The following KRABD5 variants were observed in gnomAD, a reference collection of about 807,000 sequenced individuals.
KRABD5 encodes the protein KRAB domain containing 5, also known as KRAB domain-containing protein 5.
the KRABD5 span, chr16:31,755,101 T>G: frequency 4.1e-6 from 2 of 489,834 alleles, no homozygotes; most frequent in East Asian, 6.3e-5. Context: ...TTACTCAGCA[T>G]GAGAGAATTC....
the KRABD5 span, among the ~76,000 whole-genome samples, chr16:31,742,109 CTATTTA>C: frequency 6.6e-6 from 1 of 151,104 alleles, no homozygotes; most frequent in South Asian, 2.1e-4. Flanking sequence ...GTGTGTGCCT[CTATTTA>C]TTTCTGGGTG....
At chr16:31,713,294 C>T in the KRABD5 span, 1 of 1,233,040 alleles carries the variant, frequency 8.1e-7, no homozygotes, top group African/African-American at 1.5e-5. Context: ...AGTCTCTTCA[C>T]CAGGGGCTCC....
At chr16:31,736,936 T>C in the KRABD5 span, among the ~76,000 whole-genome samples, 36 of 152,366 alleles carry the variant, frequency 2.4e-4, no homozygotes, top group Non-Finnish European at 4.8e-4. Flanking sequence ...CACTTTTTTA[T>C]TTAAGTTTAT....
the KRABD5 span, among the ~76,000 whole-genome samples, chr16:31,715,458 C>T: frequency 6.6e-6 from 1 of 152,164 alleles, no homozygotes. Context: ...TTTCCCCACT[C>T]CTTTCTCTTG....
At chr16:31,719,836 T>C in the KRABD5 span, among the ~76,000 whole-genome samples, 1 of 152,208 alleles carries the variant, frequency 6.6e-6, no homozygotes, top group African/African-American at 2.4e-5. Flanking sequence ...GCAACCTTTT[T>C]CCATTCCTGC....
At chr16:31,724,908 T>G in the KRABD5 span, among the ~76,000 whole-genome samples, 980 of 152,244 alleles carry the variant, frequency 6.4e-3, 8 homozygotes, top group African/African-American at 0.023. Context: ...CACCTTTTTT[T>G]AGATTCCACA....
the KRABD5 span, among the ~76,000 whole-genome samples, chr16:31,743,041 A>G: frequency 4.6e-5 from 7 of 152,066 alleles, no homozygotes; most frequent in Non-Finnish European, 1.0e-4. Context: ...TAAGTTTCTT[A>G]TAAATTCTGG....
the KRABD5 span, chr16:31,753,945 T>C: frequency 1.3e-6 from 2 of 1,550,408 alleles, no homozygotes; most frequent in East Asian, 4.9e-5. Flanking sequence ...ACATACAAAA[T>C]GTAAGACAAC....
the KRABD5 span, among the ~76,000 whole-genome samples, chr16:31,726,191 A>G: frequency 6.6e-6 from 1 of 152,182 alleles, no homozygotes; most frequent in African/African-American, 2.4e-5. Context: ...CCTTTTGCTC[A>G]TAAATATCCA....
chr16:31,722,665 C>G, the KRABD5 span: 4 of 1,613,158 alleles, frequency 2.5e-6, no homozygotes, highest in East Asian at 6.7e-5. Context: ...AGAATTCTCT[C>G]GGGAGGAGTG....
At chr16:31,754,369 G>A in the KRABD5 span, 1 of 611,228 alleles carries the variant, frequency 1.6e-6, no homozygotes, top group South Asian at 2.0e-5. Flanking sequence ...TAGATAATTT[G>A]GGAAAATATC....
chr16:31,749,119 C>G, the KRABD5 span, among the ~76,000 whole-genome samples: 1 of 152,190 alleles, frequency 6.6e-6, no homozygotes, highest in Non-Finnish European at 1.5e-5. Flanking sequence ...GGGGCTCAGG[C>G]CCAGTGAGAT....
chr16:31,716,759 G>C, the KRABD5 span, among the ~76,000 whole-genome samples: 1 of 152,192 alleles, frequency 6.6e-6, no homozygotes, highest in African/African-American at 2.4e-5. Context: ...CTGGAATTCA[G>C]ATGTCCATTA....
chr16:31,753,980 TACAGGAG>T, the KRABD5 span: 1 of 1,508,462 alleles, frequency 6.6e-7, no homozygotes, highest in Non-Finnish European at 9.0e-7. Context: ...ACCTCACTGT[TACAGGAG>T]GTCAAAAACA....
the KRABD5 span, among the ~76,000 whole-genome samples, chr16:31,741,139 G>T: frequency 2.0e-5 from 3 of 152,092 alleles, no homozygotes; most frequent in East Asian, 1.9e-4. Context: ...CAAAGGACAT[G>T]ATTTTATTTT....
the KRABD5 span, among the ~76,000 whole-genome samples, chr16:31,745,388 A>T: frequency 6.6e-6 from 1 of 152,194 alleles, no homozygotes; most frequent in South Asian, 2.1e-4. Context: ...CCCAGGAATC[A>T]TGCAGGAGCA....
the KRABD5 span, chr16:31,759,782 G>A: frequency 5.8e-6 from 1 of 172,646 alleles, no homozygotes; most frequent in African/African-American, 2.4e-5. Context: ...TAGGAGTAAA[G>A]CTGGTTCTAT....
the KRABD5 span, among the ~76,000 whole-genome samples, chr16:31,745,563 G>A: frequency 6.6e-6 from 1 of 152,184 alleles, no homozygotes; most frequent in African/African-American, 2.4e-5. Context: ...TTTAGAATAA[G>A]TGCCATCTGG....
At chr16:31,727,113 A>C in the KRABD5 span, among the ~76,000 whole-genome samples, 2 of 152,176 alleles carry the variant, frequency 1.3e-5, no homozygotes, top group African/African-American at 4.8e-5. Flanking sequence ...AATGCAACTA[A>C]TTTTTGTATG....
Sources: allele counts gnomAD v4.1 joint callset (sites outside exome capture counted in the v4.1 genomes callset), GRCh38; gene constraint gnomAD v4.1.1; transcripts MANE v1.5; gene names NCBI Gene and HGNC (gene_info 2026-07-23, HGNC 2026-07-21).